The following ACBD6 variants were observed in gnomAD, a reference collection of about 807,000 sequenced individuals.
ACBD6 encodes the protein acyl-CoA binding domain containing 6.
ACBD6 carries 28 observed loss-of-function variants against 37.2 expected under a neutral mutation model. The observed-to-expected ratio is 0.75, with a 90% CI of 0.56 to 1.03. ACBD6 has a LOEUF of 1.03. ACBD6 is among the 50% of genes least tolerant of loss of function. The pLI, the probability that ACBD6 is intolerant of heterozygous loss-of-function variation, is 0.00. For synonymous variants in ACBD6, 113 were observed against 126.8 expected (o/e 0.89, Z 0.73); for missense variants, 340 against 337.4 (o/e 1.01, Z -0.06).
intron 6 of ACBD6, among the ~76,000 whole-genome samples, chr1:180,350,376 TTAA>T (rs1652362710): frequency 6.6e-6 from 1 of 152,118 alleles, no homozygotes; most frequent in South Asian, 2.1e-4. Flanking sequence ...ACTCAATGTG[TTAA>T]GAGACCCTAG....
At position 180,361,722 on chromosome 1, in the gene ACBD6, T is replaced by A. The variant is rs1327744587; in HGVS notation, c.663+35794A>T. Among the ~76,000 whole-genome samples, 3 of 152,138 alleles carry A rather than the reference T, an allele frequency of 2.0e-5. No homozygotes were observed. In the East Asian group the frequency reaches 5.8e-4, roughly 29 times the overall value. The stretch of plus-strand genomic sequence containing the variant: ...GCCTATAATGGGGTAAAACCCCACA[T>A]TTTACAACTTTCAAAATACCACAGA... On this transcript the variant is annotated intron_variant, in intron 6 of 7. Transcript: ENST00000367595.
intron 6 of ACBD6, among the ~76,000 whole-genome samples, chr1:180,330,078 C>T (rs931415474): frequency 3.3e-5 from 5 of 152,050 alleles, no homozygotes; most frequent in African/African-American, 7.3e-5. Flanking sequence ...ATTCTCTGGA[C>T]GTCTTTCTTA....
intron 5 of ACBD6, among the ~76,000 whole-genome samples, chr1:180,405,002 T>C (rs1647552753): frequency 6.6e-6 from 1 of 152,174 alleles, no homozygotes; most frequent in Non-Finnish European, 1.5e-5. Flanking sequence ...AATAGACAAT[T>C]TGTAACGCAT....
chr1:180,299,601 C>T (rs1650050479), intron 7 of ACBD6, among the ~76,000 whole-genome samples: 1 of 151,858 alleles, frequency 6.6e-6, no homozygotes, highest in Non-Finnish European at 1.5e-5. Context: ...CTAATGCCTC[C>T]TCCCACTGCC....
At chr1:180,477,522 A>G (rs944150181) in intron 3 of ACBD6, among the ~76,000 whole-genome samples, 1 of 152,172 alleles carries the variant, frequency 6.6e-6, no homozygotes, top group Non-Finnish European at 1.5e-5. Flanking sequence ...AATATAATCA[A>G]TCTCTGTTCC....
intron 7 of ACBD6, among the ~76,000 whole-genome samples, chr1:180,295,780 G>A (rs2149280770): frequency 6.6e-6 from 1 of 152,124 alleles, no homozygotes. Flanking sequence ...TATGTGTTCT[G>A]ACTGTACCAT....
At chr1:180,301,491 T>C (rs1299839837) in intron 7 of ACBD6, among the ~76,000 whole-genome samples, 2 of 152,202 alleles carry the variant, frequency 1.3e-5, no homozygotes, top group African/African-American at 4.8e-5. Flanking sequence ...AGTACTGTAC[T>C]GTATTTATTG....
At chr1:180,447,162 TATGAACA>T (rs1180491562) in intron 3 of ACBD6, among the ~76,000 whole-genome samples, 1 of 152,196 alleles carries the variant, frequency 6.6e-6, no homozygotes, top group Non-Finnish European at 1.5e-5. Context: ...ACAGAAATGA[TATGAACA>T]AGTATTTTAT....
At chr1:180,341,968 T>C (rs183501053) in intron 6 of ACBD6, among the ~76,000 whole-genome samples, 3 of 152,268 alleles carry the variant, frequency 2.0e-5, no homozygotes, top group Admixed American at 6.5e-5. Flanking sequence ...ACAAGCATGA[T>C]AGGCTTACCT....
intron 3 of ACBD6, among the ~76,000 whole-genome samples, chr1:180,433,574 CTGTGTGTGTGTGTGTGTGTG>C (rs61101474): frequency 7.3e-5 from 11 of 149,824 alleles, no homozygotes; most frequent in East Asian, 2.0e-4. Flanking sequence ...TGGTGTTATG[CTGTGTGTGTGTGTGTGTGTG>C]TGTGTGTGTG....
intron 5 of ACBD6, among the ~76,000 whole-genome samples, chr1:180,398,059 T>TACAACAACA (rs10583778): frequency 4.6e-4 from 69 of 149,382 alleles, no homozygotes; most frequent in African/African-American, 1.6e-3. Flanking sequence ...TCTCAAAAAC[T>TACAACAACA]ACAACAACAA....
intron 3 of ACBD6, among the ~76,000 whole-genome samples, chr1:180,490,944 T>C (rs1651476073): frequency 7.7e-6 from 1 of 129,458 alleles, no homozygotes; most frequent in Admixed American, 9.1e-5. Flanking sequence ...AGTGATAGAG[T>C]GAGACTCTGT....
At chr1:180,407,387 A>C (rs765998527) in intron 5 of ACBD6, among the ~76,000 whole-genome samples, 2 of 152,158 alleles carry the variant, frequency 1.3e-5, no homozygotes, top group Non-Finnish European at 2.9e-5. Context: ...GAAACAATAC[A>C]TTTTGCCAAG....
chr1:180,351,994 G>T (rs373763644), intron 6 of ACBD6, among the ~76,000 whole-genome samples: 221 of 152,256 alleles, frequency 1.5e-3, no homozygotes, highest in African/African-American at 5.0e-3. Context: ...TCTGACACAT[G>T]CTACAACATA....
rs759639079 is a variant in ACBD6, at chr1:180,461,911, G to A, written c.384+30358C>T. On this transcript the variant is annotated intron_variant, in intron 3 of 7. Coordinates refer to ENST00000367595, the MANE Select transcript of ACBD6 (RefSeq NM_032360.4). ...CAGGTAGCATCATGATGACAGGATC[G>A]AATCCACACATAACAATACTAACCT... is the stretch of plus-strand genomic sequence containing the variant. 7.9e-5 allele frequency among the ~76,000 whole-genome samples: 12 copies of A among 152,116 alleles called. No individual in the cohort carries two copies. The South Asian group carries it at 8.3e-4, about 11-fold the overall frequency.
Position 180,288,799 on chromosome 1 carries a change from T to C in ACBD6, c.695-282A>G, listed in dbSNP as rs530989177. ...GCTTTTGGGCTCTAGTCTTTAAGAA[T>C]GGGATTAAGGAAAGGAATAAAAAAT... is the stretch of plus-strand genomic sequence containing the variant. On this transcript the variant is annotated intron_variant, in intron 7 of 7. Coordinates refer to ENST00000367595, the MANE Select transcript of ACBD6 (RefSeq NM_032360.4). Among the ~76,000 whole-genome samples, 10 of 152,172 alleles carry C rather than the reference T, an allele frequency of 6.6e-5. No homozygotes were observed. In the South Asian group the frequency reaches 1.2e-3, roughly 19 times the overall value.
intron 6 of ACBD6, among the ~76,000 whole-genome samples, chr1:180,336,865 A>T (rs1651742447): frequency 6.6e-6 from 1 of 152,242 alleles, no homozygotes. Context: ...CCATCAGAGA[A>T]TACTATAAAC....
chr1:180,461,324 T>G (rs564074427), intron 3 of ACBD6, among the ~76,000 whole-genome samples: 124 of 152,230 alleles, frequency 8.1e-4, no homozygotes, highest in Non-Finnish European at 1.9e-4. Context: ...TTGGAAAACA[T>G]ATTTCAGGAT....
intron 4 of ACBD6, among the ~76,000 whole-genome samples, chr1:180,424,407 C>T (rs1421552042): frequency 6.6e-6 from 1 of 151,902 alleles, no homozygotes; most frequent in Non-Finnish European, 1.5e-5. Context: ...TTCCTCATAC[C>T]CTACGTGTCA....
Sources: gnomAD v4.1 joint callset for allele counts (sites outside exome capture counted in the v4.1 genomes callset) on GRCh38, gnomAD v4.1.1 for gene constraint, MANE v1.5 for transcripts, NCBI Gene and HGNC (gene_info 2026-07-23, HGNC 2026-07-21) for gene names.